The following STXBP4 variants were observed in gnomAD, a reference collection of about 807,000 sequenced individuals.
STXBP4 encodes the protein syntaxin-binding protein 4.
A neutral mutation model predicts 76.1 loss-of-function variants in STXBP4; 55 were observed. The observed-to-expected ratio is 0.72, with a 90% CI of 0.58 to 0.91. The LOEUF (loss-of-function observed/expected upper bound fraction) is 0.91. Among genes scored for constraint, STXBP4 ranks in the 40% least tolerant of loss-of-function variants. The pLI, the probability that STXBP4 is intolerant of heterozygous loss-of-function variation, is 0.00. For missense variants in STXBP4, 618 were observed against 636.9 expected (o/e 0.97, Z 0.32); for synonymous variants, 201 against 220.2 (o/e 0.91, Z 0.77).
intron 16 of STXBP4, among the ~76,000 whole-genome samples, chr17:55,113,265 G>A (rs1306681058): frequency 1.4e-5 from 2 of 145,060 alleles, no homozygotes; most frequent in Non-Finnish European, 3.0e-5. Context: ...ACACACACGA[G>A]GTAGCTATAG....
At position 55,163,478 on chromosome 17, in the gene STXBP4, A is replaced by G. The variant is rs1297170554; in HGVS notation, c.*3567A>G. The G allele has an allele frequency of 6.6e-6, 1 of 152,220 alleles. No homozygotes were observed. Among genetic ancestry groups the G allele is most frequent in the Non-Finnish European group, 1.5e-5 (1 of 68,044 alleles). 9.4% of individuals were successfully genotyped at this position (152,220 alleles called of 1,614,324 possible). A position where few individuals can be genotyped will look rare whatever the true frequency, so the allele number is the denominator to read the frequency against. Reference sequence around the variant, plus strand: ...TGAGACGTTCACTAAAGTACCAAGCACAATACAAATGCATCTTCGAGTTCT... The same window carrying G: ...TGAGACGTTCACTAAAGTACCAAGCGCAATACAAATGCATCTTCGAGTTCT... On this transcript the variant is annotated 3_prime_UTR_variant, in exon 18 of 18. Transcript: ENST00000376352.
the STXBP4 span, among the ~76,000 whole-genome samples, chr17:55,203,050 G>C: frequency 6.6e-6 from 1 of 152,108 alleles, no homozygotes; most frequent in East Asian, 1.9e-4. Context: ...GCAGGAAGGA[G>C]CTCATCTGCT....
intron 8 of STXBP4, among the ~76,000 whole-genome samples, chr17:55,028,073 G>A (rs1287066804): frequency 6.6e-6 from 1 of 152,208 alleles, no homozygotes; most frequent in East Asian, 1.9e-4. Flanking sequence ...AGTAAATATA[G>A]TTGACTGCTA....
At chr17:55,021,501 G>A (rs1446582989) in intron 8 of STXBP4, among the ~76,000 whole-genome samples, 1 of 152,122 alleles carries the variant, frequency 6.6e-6, no homozygotes, top group Non-Finnish European at 1.5e-5. Flanking sequence ...TCCAGCAAGA[G>A]TGAGATCCTA....
At chr17:55,125,960 T>A (rs778128528) in intron 16 of STXBP4, among the ~76,000 whole-genome samples, 1 of 152,138 alleles carries the variant, frequency 6.6e-6, no homozygotes, top group Non-Finnish European at 1.5e-5. Flanking sequence ...CTTCTGGGTC[T>A]GACCCCAAAC....
At chr17:55,140,342 G>A (rs1001308746) in intron 16 of STXBP4, among the ~76,000 whole-genome samples, 1 of 152,062 alleles carries the variant, frequency 6.6e-6, no homozygotes, top group African/African-American at 2.4e-5. Flanking sequence ...TACCATTCCT[G>A]CACTTTTGCT....
intron 17 of STXBP4, among the ~76,000 whole-genome samples, chr17:55,155,232 T>C (rs2080263471): frequency 6.6e-6 from 1 of 152,168 alleles, no homozygotes; most frequent in Non-Finnish European, 1.5e-5. Flanking sequence ...AACCAGTGTT[T>C]ATATAAGATT....
rs150401227 is a variant in STXBP4, at chr17:55,056,617, A to G, written c.1011+9463A>G. 3.6e-3 allele frequency among the ~76,000 whole-genome samples: 550 copies of G among 152,266 alleles called. 3 individuals are homozygous for G. Among genetic ancestry groups the G allele is most frequent in the African/African-American group, 0.013 (532 of 41,564 alleles). Reference sequence around the variant, plus strand: ...GTCAGCTCAGTATTATTAGCATAAAATTCAAGCCTGTGAGATGGAGGCTGC... The same window carrying G: ...GTCAGCTCAGTATTATTAGCATAAAGTTCAAGCCTGTGAGATGGAGGCTGC... On this transcript the variant is annotated intron_variant, in intron 12 of 17. Transcript: ENST00000376352.
intron 16 of STXBP4, among the ~76,000 whole-genome samples, chr17:55,090,099 A>G (rs948936157): frequency 2.6e-5 from 4 of 152,052 alleles, no homozygotes; most frequent in Admixed American, 6.6e-5. Context: ...CACTCTTAAT[A>G]TGTTCTGATT....
intron 11 of STXBP4, among the ~76,000 whole-genome samples, chr17:55,045,708 AG>A (rs2078776329): frequency 6.6e-6 from 1 of 152,102 alleles, no homozygotes; most frequent in Non-Finnish European, 1.5e-5. Context: ...GCAACCAGCT[AG>A]CTCAGTTGGT....
Position 55,168,229 on chromosome 17 carries a change from C to A in STXBP4, c.*8318C>A, listed in dbSNP as rs2080387400. On this transcript the variant is annotated 3_prime_UTR_variant, in exon 18 of 18. Coordinates refer to ENST00000376352, the MANE Select transcript of STXBP4 (RefSeq NM_178509.6). ...TGTGTGTGTGTGTATATATATATAT[C>A]TGTGTGTATATACACACCACACACA... is the stretch of plus-strand genomic sequence containing the variant. 2 of 106,440 alleles carry A rather than the reference C, an allele frequency of 1.9e-5. No homozygotes were observed. The highest frequency in any genetic ancestry group is 3.8e-5 in the Non-Finnish European group (2 of 52,124). The allele number at this position is 106,440 out of a possible 1,614,324, so 6.6% of individuals were successfully genotyped here. A position where few individuals can be genotyped will look rare whatever the true frequency, so the allele number is the denominator to read the frequency against.
At chr17:55,124,336 C>G (rs1314945671) in intron 16 of STXBP4, among the ~76,000 whole-genome samples, 1 of 152,160 alleles carries the variant, frequency 6.6e-6, no homozygotes, top group African/African-American at 2.4e-5. Context: ...TGCATGGTAC[C>G]TGTTTACATG....
chr17:55,061,235 T>G (rs1383802934), intron 12 of STXBP4, among the ~76,000 whole-genome samples: 1 of 152,208 alleles, frequency 6.6e-6, no homozygotes, highest in Non-Finnish European at 1.5e-5. Flanking sequence ...AAATTAAATG[T>G]GTCTTTAAAA....
chr17:55,038,743 TACCAG>T, intron 10 of STXBP4, among the ~76,000 whole-genome samples: 1 of 152,038 alleles, frequency 6.6e-6, no homozygotes, highest in East Asian at 1.9e-4. Context: ...AGTATGATTT[TACCAG>T]ACTAATCAAG....
chr17:55,202,893 T>A, the STXBP4 span, among the ~76,000 whole-genome samples: 1 of 152,168 alleles, frequency 6.6e-6, no homozygotes, highest in East Asian at 1.9e-4. Context: ...GTCTGGAGGA[T>A]GGGCATAAGA....
chr17:55,115,366 TTC>T (rs1444643092), intron 16 of STXBP4, among the ~76,000 whole-genome samples: 2 of 151,890 alleles, frequency 1.3e-5, no homozygotes, highest in Non-Finnish European at 2.9e-5. Context: ...GAATATGGCT[TTC>T]TGTAGATTTA....
At chr17:54,971,866 G>A (rs948553658) in intron 1 of STXBP4, among the ~76,000 whole-genome samples, 2 of 151,972 alleles carry the variant, frequency 1.3e-5, no homozygotes, top group Non-Finnish European at 2.9e-5. Context: ...CCTGGCCTTA[G>A]GTGGTCTTGG....
Position 55,159,897 on chromosome 17 carries a change from A to C in STXBP4, c.1648A>C (p.Asn550His), listed in dbSNP as rs555191359. ...NEEDCSRELP[N>H]QKS ...AGAGGATTGCTCTAGAGAACTCCCC[A>C]ACCAGAAAAGTTGATGGTTTTCCTT... Residue 550 changes from asparagine (N) to histidine (H), a missense_variant, in exon 18 of 18, where the codon AAC becomes CAC. Asn to His is a moderately conservative substitution (Grantham distance 68). Coordinates refer to ENST00000376352, the MANE Select transcript of STXBP4 (RefSeq NM_178509.6). The C allele has an allele frequency of 2.1e-5, 34 of 1,611,772 alleles. No individual in the cohort carries two copies. In the East Asian group the frequency reaches 4.2e-4, roughly 20 times the overall value.
At chr17:55,179,878 G>C in the STXBP4 span, among the ~76,000 whole-genome samples, 7 of 152,140 alleles carry the variant, frequency 4.6e-5, no homozygotes, top group African/African-American at 1.7e-4. Flanking sequence ...ATTTCTGACT[G>C]CAGCAGTGTG....
Sources: gnomAD v4.1 joint callset for allele counts (sites outside exome capture counted in the v4.1 genomes callset) on GRCh38, gnomAD v4.1.1 for gene constraint, MANE v1.5 for transcripts, NCBI Gene and HGNC (gene_info 2026-07-23, HGNC 2026-07-21) for gene names.